FSTL5: variants seen among roughly 807,000 people sequenced by gnomAD.
The protein encoded by FSTL5 is follistatin-related protein 5.
In FSTL5, 62 loss-of-function variants were observed where a neutral mutation model predicts 89.1. That is an observed-to-expected ratio of 0.70 (90% CI 0.57 to 0.86). The LOEUF (loss-of-function observed/expected upper bound fraction) is 0.86, where lower values mean the gene tolerates loss of function less well. FSTL5 is among the 40% of genes least tolerant of loss of function. The pLI, the probability that FSTL5 is intolerant of heterozygous loss-of-function variation, is 0.00. For synonymous variants in FSTL5, 383 were observed against 346.2 expected (o/e 1.11, Z -1.18); for missense variants, 1,057 against 1,001.6 (o/e 1.06, Z -0.75).
chr4:162,069,680 A>G (rs1191282161), intron 2 of FSTL5, among the ~76,000 whole-genome samples: 2 of 151,848 alleles, frequency 1.3e-5, no homozygotes, highest in East Asian at 3.9e-4. Flanking sequence ...CACTTACTCC[A>G]ATGTCCTCCA....
At chr4:161,516,356 T>C (rs1348296453) in intron 10 of FSTL5, among the ~76,000 whole-genome samples, 1 of 143,092 alleles carries the variant, frequency 7.0e-6, no homozygotes, top group Non-Finnish European at 1.5e-5. Flanking sequence ...CAGGCTTAAA[T>C]ATGCCACTAC....
chr4:161,751,575 G>C (rs896865332), intron 6 of FSTL5, among the ~76,000 whole-genome samples: 5 of 151,992 alleles, frequency 3.3e-5, no homozygotes, highest in African/African-American at 7.3e-5. Context: ...AAGAGTTTGA[G>C]ACCAGGCTGG....
At chr4:161,549,599 G>A (rs911170855) in intron 8 of FSTL5, among the ~76,000 whole-genome samples, 11 of 151,796 alleles carry the variant, frequency 7.2e-5, no homozygotes, top group Admixed American at 6.6e-4. Flanking sequence ...TGTAACATAC[G>A]TTGTCCTTGA....
chr4:161,482,488 T>A (rs1225322732), intron 12 of FSTL5, among the ~76,000 whole-genome samples: 1 of 152,224 alleles, frequency 6.6e-6, no homozygotes, highest in Non-Finnish European at 1.5e-5. Context: ...CTATTTTTTC[T>A]AATCTATATA....
intron 4 of FSTL5, among the ~76,000 whole-genome samples, chr4:161,834,797 C>A (rs578121264): frequency 2.5e-4 from 38 of 152,072 alleles, no homozygotes; most frequent in African/African-American, 7.2e-4. Context: ...CGAGGAAATA[C>A]AAGAGGATAC....
chr4:161,562,015 C>T (rs1732622665), intron 8 of FSTL5, among the ~76,000 whole-genome samples: 1 of 151,934 alleles, frequency 6.6e-6, no homozygotes. Context: ...CCAATGAGAG[C>T]CAGAATCTCA....
At chr4:161,715,645 C>G (rs923195791) in intron 6 of FSTL5, among the ~76,000 whole-genome samples, 2 of 152,140 alleles carry the variant, frequency 1.3e-5, no homozygotes, top group African/African-American at 4.8e-5. Flanking sequence ...AAACTCCTAA[C>G]TCCTACAACC....
chr4:161,725,403 T>C (rs926791472), intron 6 of FSTL5, among the ~76,000 whole-genome samples: 9 of 152,088 alleles, frequency 5.9e-5, no homozygotes, highest in African/African-American at 2.2e-4. Flanking sequence ...ATAATTTGAC[T>C]GTCTTTAAAT....
At chr4:162,160,167 C>G (rs1278599589) in intron 1 of FSTL5, among the ~76,000 whole-genome samples, 1 of 151,692 alleles carries the variant, frequency 6.6e-6, no homozygotes, top group Non-Finnish European at 1.5e-5. Flanking sequence ...TTCTAATTGT[C>G]TCAATTACTT....
chr4:161,794,120 G>A (rs1462788737), intron 4 of FSTL5, among the ~76,000 whole-genome samples: 1 of 152,152 alleles, frequency 6.6e-6, no homozygotes, highest in African/African-American at 2.4e-5. Flanking sequence ...TTCTTAGCCT[G>A]TGTTTCACAT....
intron 4 of FSTL5, among the ~76,000 whole-genome samples, chr4:161,846,437 T>C (rs1040971751): frequency 2.0e-5 from 3 of 152,066 alleles, no homozygotes; most frequent in African/African-American, 7.2e-5. Context: ...GAGTTACGAG[T>C]TAAGATAACA....
At chr4:161,898,571 T>C (rs536422240) in intron 4 of FSTL5, among the ~76,000 whole-genome samples, 96 of 152,172 alleles carry the variant, frequency 6.3e-4, no homozygotes, top group African/African-American at 2.2e-3. Context: ...ATATTTGCAA[T>C]TTCCTAATGA....
chr4:161,779,795 A>ATGTATATATATG (rs1560840929), intron 4 of FSTL5, among the ~76,000 whole-genome samples: 1 of 52,994 alleles, frequency 1.9e-5, no homozygotes, highest in Non-Finnish European at 3.1e-5. Context: ...ATATATATAT[A>ATGTATATATATG]TATATATATA....
intron 15 of FSTL5, among the ~76,000 whole-genome samples, chr4:161,450,640 G>A (rs377335843): frequency 4.6e-5 from 7 of 151,558 alleles, no homozygotes; most frequent in East Asian, 1.9e-4. Flanking sequence ...ATAATGAAGC[G>A]TTGCTTTATA....
chr4:161,467,006 T>C (rs191695745), intron 13 of FSTL5, among the ~76,000 whole-genome samples: 2 of 152,130 alleles, frequency 1.3e-5, no homozygotes, highest in Admixed American at 1.3e-4. Flanking sequence ...GTCAAAAACA[T>C]GCAAAAATCA....
At chr4:161,551,045 T>C (rs1314820337) in intron 8 of FSTL5, among the ~76,000 whole-genome samples, 5 of 152,034 alleles carry the variant, frequency 3.3e-5, no homozygotes, top group Admixed American at 3.3e-4. Context: ...AATAAACATA[T>C]GTGTGTGTAT....
At chr4:162,159,152 C>CA (rs1200608449) in intron 1 of FSTL5, among the ~76,000 whole-genome samples, 2 of 151,856 alleles carry the variant, frequency 1.3e-5, no homozygotes, top group East Asian at 3.9e-4. Flanking sequence ...ACTCAAGAGA[C>CA]AAAAAAACAA....
intron 8 of FSTL5, among the ~76,000 whole-genome samples, chr4:161,560,006 A>T (rs564151191): frequency 6.6e-6 from 1 of 151,654 alleles, no homozygotes; most frequent in African/African-American, 2.4e-5. Context: ...AGCCCAACAC[A>T]AATTTGTAAA....
At chr4:162,081,315 A>C (rs1257350171) in intron 2 of FSTL5, among the ~76,000 whole-genome samples, 1 of 151,580 alleles carries the variant, frequency 6.6e-6, no homozygotes, top group Non-Finnish European at 1.5e-5. Context: ...TAGGCGTTCA[A>C]GGGGCACTAG....
Sources: gnomAD v4.1 joint callset for allele counts (sites outside exome capture counted in the v4.1 genomes callset) on GRCh38, gnomAD v4.1.1 for gene constraint, MANE v1.5 for transcripts, NCBI Gene and HGNC (gene_info 2026-07-23, HGNC 2026-07-21) for gene names.